Variants in SLCO1B3 observed in about 807,000 individuals in gnomAD.
SLCO1B3 encodes liver-specific organic anion transporter 2.
In SLCO1B3, 72 loss-of-function variants were observed where a neutral mutation model predicts 71.8. The observed-to-expected ratio is 1.00, with a 90% CI of 0.83 to 1.22. The LOEUF (loss-of-function observed/expected upper bound fraction) is 1.22. Ranked by LOEUF, SLCO1B3 falls within the 50% of genes most tolerant of loss-of-function variation. The pLI is 0.00. For synonymous variants in SLCO1B3, 298 were observed against 278.4 expected (o/e 1.07, Z -0.70); for missense variants, 911 against 819.7 (o/e 1.11, Z -1.36).
chr12:20,868,993 C>T (rs1177071252), intron 8 of SLCO1B3, among the ~76,000 whole-genome samples: 8 of 152,162 alleles, frequency 5.3e-5, no homozygotes. Context: ...GCCAAGTGTA[C>T]AGGATGGAAC....
intron 3 of SLCO1B3, among the ~76,000 whole-genome samples, chr12:20,829,726 TAGAG>T (rs1864500149): frequency 1.3e-5 from 2 of 152,160 alleles, no homozygotes; most frequent in South Asian, 4.1e-4. Flanking sequence ...AGCTATTCCA[TAGAG>T]AGAGCAGCCC....
At chr12:20,845,419 T>G (rs1435078088) in intron 3 of SLCO1B3, among the ~76,000 whole-genome samples, 1 of 152,188 alleles carries the variant, frequency 6.6e-6, no homozygotes, top group African/African-American at 2.4e-5. Context: ...TACTTTGAAC[T>G]GAGTAAGAAG....
At chr12:20,855,393 A>G (rs938881320) in intron 4 of SLCO1B3, among the ~76,000 whole-genome samples, 1 of 152,148 alleles carries the variant, frequency 6.6e-6, no homozygotes, top group Non-Finnish European at 1.5e-5. Context: ...ACACTGTGCA[A>G]TGCACCAGAC....
chr12:20,818,180 G>A (rs1864226790), intron 3 of SLCO1B3, among the ~76,000 whole-genome samples: 1 of 152,120 alleles, frequency 6.6e-6, no homozygotes, highest in African/African-American at 2.4e-5. Flanking sequence ...CTGAGGACAG[G>A]TCTGACTTCT....
intron 3 of SLCO1B3, among the ~76,000 whole-genome samples, chr12:20,833,406 A>C (rs563858060): frequency 6.7e-6 from 1 of 150,244 alleles, no homozygotes; most frequent in Non-Finnish European, 1.5e-5. Flanking sequence ...TATATGAAGA[A>C]TACATATATA....
chr12:20,871,556 A>G (rs904833390), intron 8 of SLCO1B3, among the ~76,000 whole-genome samples: 1 of 152,034 alleles, frequency 6.6e-6, no homozygotes, highest in Admixed American at 6.6e-5. Flanking sequence ...CTTCTTTACT[A>G]GGCTTTTTAG....
intron 13 of SLCO1B3, among the ~76,000 whole-genome samples, chr12:20,885,194 C>A (rs1380725402): frequency 6.6e-6 from 1 of 152,068 alleles, no homozygotes; most frequent in Non-Finnish European, 1.5e-5. Flanking sequence ...CCTTTGATTT[C>A]CTTTGAAGAA....
chr12:20,811,287 T>C (rs1368117900), intron 1 of SLCO1B3, among the ~76,000 whole-genome samples: 1 of 152,158 alleles, frequency 6.6e-6, no homozygotes, highest in East Asian at 1.9e-4. Flanking sequence ...ATTTTCTAGA[T>C]AACTTTTTTA....
At position 20,883,509 on chromosome 12, in the gene SLCO1B3, G is replaced by T. The variant is rs761374022; in HGVS notation, c.1589G>T (p.Cys530Phe). ...GGTGAATGCCCAAGAGATAATACTT[G>T]TACAAGGAAATTTTTCATCTATGTT... is the stretch of plus-strand genomic sequence containing the variant. ...HLGECPRDNTCTRKFFIYVAI... is the reference protein window; with the variant it reads ...HLGECPRDNTFTRKFFIYVAI... Residue 530 changes from cysteine (C) to phenylalanine (F), a missense_variant, in exon 13 of 16, where the codon TGT (cysteine) becomes TTT (phenylalanine). Cys to Phe is a radical substitution (Grantham distance 205). Coordinates refer to ENST00000381545, the MANE Select transcript of SLCO1B3 (RefSeq NM_019844.4). 3 of 1,604,604 alleles carry T rather than the reference G, an allele frequency of 1.9e-6. No individual in the cohort carries two copies. The South Asian group carries it at 3.4e-5, about 18-fold the overall frequency.
intron 15 of SLCO1B3, among the ~76,000 whole-genome samples, chr12:20,910,893 C>T (rs1003968469): frequency 6.6e-6 from 1 of 151,914 alleles, no homozygotes; most frequent in African/African-American, 2.4e-5. Context: ...CATATGCAAA[C>T]AAAGGTAGTT....
At chr12:20,888,695 G>T (rs905412893) in intron 13 of SLCO1B3, among the ~76,000 whole-genome samples, 8 of 151,910 alleles carry the variant, frequency 5.3e-5, no homozygotes, top group Non-Finnish European at 1.2e-4. Context: ...TATCTTACAT[G>T]ATTGTTCCTG....
At position 20,868,625 on chromosome 12, in the gene SLCO1B3, C is replaced by T. The variant is rs577453990; in HGVS notation, c.727+5771C>T. Among the ~76,000 whole-genome samples the T allele has an allele frequency of 5.7e-3, 852 of 150,220 alleles. 4 individuals are homozygous for T. The highest frequency in any genetic ancestry group is 0.015 in the African/African-American group (636 of 41,174). On this transcript the variant is annotated intron_variant, in intron 8 of 15. Coordinates refer to ENST00000381545, the MANE Select transcript of SLCO1B3 (RefSeq NM_019844.4). ...GATTTGGTGGGTCTCTTACTGTGTG[C>T]GGAGATGAGAGAGTGTAGAAATAAA...
intron 3 of SLCO1B3, among the ~76,000 whole-genome samples, chr12:20,850,267 T>A (rs1864998934): frequency 7.1e-6 from 1 of 140,080 alleles, no homozygotes; most frequent in Non-Finnish European, 1.6e-5. Flanking sequence ...TTTATTTATT[T>A]ATTTATTTAT....
rs1460841233 is a variant in SLCO1B3, at chr12:20,839,775, G to T, written c.85-15253G>T. The stretch of plus-strand genomic sequence containing the variant: ...TTCTGTTTCATATTCTATTTTTGGG[G>T]TGTCCCTATTATGTGCATGTTGCTA... On this transcript the variant is annotated intron_variant, in intron 3 of 15. Transcript: ENST00000381545. Among the ~76,000 whole-genome samples the T allele has an allele frequency of 7.2e-5, 11 of 152,016 alleles. No individual in the cohort carries two copies. In the East Asian group the frequency reaches 9.7e-4, roughly 13 times the overall value.
chr12:20,835,834 T>C (rs77105479), intron 3 of SLCO1B3, among the ~76,000 whole-genome samples: 14,319 of 152,256 alleles, frequency 0.094, 789 homozygotes, highest in Middle Eastern at 0.16. Context: ...GTTCCAAAGC[T>C]GCTTCCCCAT....
At chr12:20,842,551 A>G (rs1311350274) in intron 3 of SLCO1B3, among the ~76,000 whole-genome samples, 1 of 152,040 alleles carries the variant, frequency 6.6e-6, no homozygotes, top group African/African-American at 2.4e-5. Flanking sequence ...ACACTTCCTC[A>G]TGAATTAGGA....
chr12:20,903,941 A>G (rs1020880743), intron 15 of SLCO1B3, among the ~76,000 whole-genome samples: 1 of 152,136 alleles, frequency 6.6e-6, no homozygotes, highest in South Asian at 2.1e-4. Flanking sequence ...TTAAATTTTA[A>G]AAAGTTAGTT....
chr12:20,900,486 C>A (rs963611592), intron 14 of SLCO1B3, among the ~76,000 whole-genome samples: 4 of 152,104 alleles, frequency 2.6e-5, no homozygotes, highest in African/African-American at 7.2e-5. Context: ...AGGAGTTAAT[C>A]TCAGAATTTA....
intron 3 of SLCO1B3, among the ~76,000 whole-genome samples, chr12:20,831,214 G>A (rs978781089): frequency 2.0e-5 from 3 of 151,852 alleles, no homozygotes; most frequent in East Asian, 3.9e-4. Flanking sequence ...CAAATTATCC[G>A]GGCGTGGTGG....
Sources: gnomAD v4.1 joint callset for allele counts (sites outside exome capture counted in the v4.1 genomes callset) on GRCh38, gnomAD v4.1.1 for gene constraint, MANE v1.5 for transcripts, NCBI Gene and HGNC (gene_info 2026-07-23, HGNC 2026-07-21) for gene names.